The following DLG2 variants were observed in gnomAD, a reference collection of about 807,000 sequenced individuals.
The protein encoded by DLG2 is discs large MAGUK scaffold protein 2.
In DLG2, 45 loss-of-function variants were observed where a neutral mutation model predicts 132.5. The observed-to-expected ratio is 0.34, with a 90% CI of 0.27 to 0.44. The LOEUF (loss-of-function observed/expected upper bound fraction) is 0.44, where lower values mean the gene tolerates loss of function less well. DLG2 is among the 20% of genes least tolerant of loss of function. The pLI is 1.00. For synonymous variants in DLG2, 424 were observed against 419.6 expected (o/e 1.01, Z -0.13); for missense variants, 1,045 against 1,196.9 (o/e 0.87, Z 1.87).
At chr11:84,369,308 G>A (rs2098696874) in intron 7 of DLG2, among the ~76,000 whole-genome samples, 1 of 152,038 alleles carries the variant, frequency 6.6e-6, no homozygotes, top group Admixed American at 6.6e-5. Context: ...TTAAACCACT[G>A]TGCTACTCTG....
chr11:84,922,176 A>T (rs1010230609), intron 6 of DLG2, among the ~76,000 whole-genome samples: 6 of 123,860 alleles, frequency 4.8e-5, no homozygotes, highest in East Asian at 2.1e-4. Flanking sequence ...TATTGACTTT[A>T]AAAAAAAAAA....
intron 18 of DLG2, among the ~76,000 whole-genome samples, chr11:83,654,549 A>T (rs1034839541): frequency 1.3e-5 from 2 of 152,134 alleles, no homozygotes; most frequent in Non-Finnish European, 2.9e-5. Context: ...AAGCCACTTC[A>T]TTTTTTGTAT....
chr11:85,325,308 G>C lies in DLG2; in HGVS notation c.41-39943C>G, dbSNP rs894849999. Among the ~76,000 whole-genome samples the C allele has an allele frequency of 1.4e-3, 213 of 152,238 alleles. 3 individuals carry two copies. The highest frequency in any genetic ancestry group is 1.1e-3 in the Admixed American group (17 of 15,286). ...GCCTGTCTGCCTCTGTAGGCTCCAC[G>C]TCTGGGGGCAGGGCACAGACAAACA... On this transcript the variant is annotated intron_variant, in intron 3 of 27. Coordinates refer to ENST00000376104, the MANE Select transcript of DLG2 (RefSeq NM_001142699.3).
chr11:84,606,022 A>T (rs530452038), intron 6 of DLG2, among the ~76,000 whole-genome samples: 1 of 152,182 alleles, frequency 6.6e-6, no homozygotes, highest in East Asian at 1.9e-4. Flanking sequence ...CACTGATCAC[A>T]TTCTACTTTT....
intron 18 of DLG2, among the ~76,000 whole-genome samples, chr11:83,774,109 C>T (rs1349730281): frequency 6.6e-6 from 1 of 152,164 alleles, no homozygotes; most frequent in South Asian, 2.1e-4. Flanking sequence ...TCCTGCCATC[C>T]CTCTGCCAGA....
intron 3 of DLG2, among the ~76,000 whole-genome samples, chr11:85,580,835 G>A (rs1232257061): frequency 6.6e-6 from 1 of 152,146 alleles, no homozygotes; most frequent in East Asian, 1.9e-4. Context: ...TTCAAATAGA[G>A]GAAGAATGAT....
At chr11:83,631,757 T>TTA (rs1163354790) in intron 19 of DLG2, 3 of 152,172 alleles carry the variant, frequency 2.0e-5, no homozygotes, top group Non-Finnish European at 2.9e-5. Flanking sequence ...CCGAGCTTTA[T>TTA]TATATATATA....
chr11:84,265,299 A>T (rs978024719), intron 7 of DLG2, among the ~76,000 whole-genome samples: 1 of 152,174 alleles, frequency 6.6e-6, no homozygotes, highest in Non-Finnish European at 1.5e-5. Context: ...TGGGTCAGGC[A>T]CTGTGTTAAG....
intron 7 of DLG2, among the ~76,000 whole-genome samples, chr11:84,251,922 G>T (rs2097383281): frequency 6.6e-6 from 1 of 151,826 alleles, no homozygotes; most frequent in East Asian, 1.9e-4. Context: ...ATAGGCATGA[G>T]CTACCGCACT....
chr11:83,921,713 C>T (rs1354283727), intron 15 of DLG2, among the ~76,000 whole-genome samples: 2 of 152,260 alleles, frequency 1.3e-5, no homozygotes, highest in East Asian at 3.9e-4. Flanking sequence ...TGCTTATTCT[C>T]TGTTTTCTTA....
At chr11:83,697,565 C>T (rs560587765) in intron 18 of DLG2, among the ~76,000 whole-genome samples, 28 of 152,266 alleles carry the variant, frequency 1.8e-4, no homozygotes, top group Admixed American at 7.2e-4. Flanking sequence ...AATCAACCTC[C>T]AACCCCTTAC....
intron 3 of DLG2, among the ~76,000 whole-genome samples, chr11:85,415,100 A>T (rs1172125724): frequency 6.6e-6 from 1 of 152,134 alleles, no homozygotes; most frequent in Admixed American, 6.6e-5. Context: ...TATGAGTGAG[A>T]ACATGCAGTG....
chr11:85,376,194 G>C (rs1180345011), intron 3 of DLG2, among the ~76,000 whole-genome samples: 1 of 152,172 alleles, frequency 6.6e-6, no homozygotes, highest in Non-Finnish European at 1.5e-5. Flanking sequence ...AGAAATTGTA[G>C]AGATGCAAAT....
intron 6 of DLG2, among the ~76,000 whole-genome samples, chr11:85,110,028 C>T (rs1463145999): frequency 6.6e-6 from 1 of 151,998 alleles, no homozygotes. Flanking sequence ...GAATTTCTGC[C>T]ATGTACCAGG....
chr11:83,867,388 T>A (rs2062599218), intron 16 of DLG2, among the ~76,000 whole-genome samples: 1 of 152,196 alleles, frequency 6.6e-6, no homozygotes, highest in South Asian at 2.1e-4. Context: ...ATATTTAATG[T>A]TATATTTTTA....
At chr11:83,922,118 A>G (rs1023520487) in intron 15 of DLG2, among the ~76,000 whole-genome samples, 1 of 152,192 alleles carries the variant, frequency 6.6e-6, no homozygotes, top group Non-Finnish European at 1.5e-5. Flanking sequence ...TAAAACAATT[A>G]TTGAATTCTT....
intron 3 of DLG2, among the ~76,000 whole-genome samples, chr11:85,331,222 A>G (rs2081715183): frequency 6.6e-6 from 1 of 152,196 alleles, no homozygotes; most frequent in Admixed American, 6.5e-5. Context: ...CTAGCAGGCC[A>G]AAACTGTTAA....
intron 3 of DLG2, among the ~76,000 whole-genome samples, chr11:85,498,605 A>G (rs905428522): frequency 2.0e-5 from 3 of 152,072 alleles, no homozygotes; most frequent in Non-Finnish European, 4.4e-5. Flanking sequence ...AGAACTCCCC[A>G]CCCCAAATCA....
intron 7 of DLG2, among the ~76,000 whole-genome samples, chr11:84,299,388 A>C (rs2098128290): frequency 6.6e-6 from 1 of 152,198 alleles, no homozygotes. Flanking sequence ...TAACACACCA[A>C]AACTCAAGCA....
Sources: allele counts gnomAD v4.1 joint callset (sites outside exome capture counted in the v4.1 genomes callset), GRCh38; gene constraint gnomAD v4.1.1; transcripts MANE v1.5; gene names NCBI Gene and HGNC (gene_info 2026-07-23, HGNC 2026-07-21).